Variants in PTPRR observed in about 807,000 individuals in gnomAD.
PTPRR encodes the protein protein tyrosine phosphatase receptor type R, also known as receptor-type tyrosine-protein phosphatase R.
In PTPRR, 38 loss-of-function variants were observed where a neutral mutation model predicts 77.2. The observed-to-expected ratio is 0.49, with a 90% CI of 0.38 to 0.65. The LOEUF (loss-of-function observed/expected upper bound fraction) is 0.65. Ranked by LOEUF, PTPRR falls within the 30% of genes least tolerant of loss-of-function variation. The probability of loss-of-function intolerance (pLI) is 0.00; values close to 1 mark genes in which losing one functional copy is unlikely to be tolerated. For missense variants in PTPRR, 744 were observed against 799.2 expected (o/e 0.93, Z 0.83); for synonymous variants, 299 against 283.1 (o/e 1.06, Z -0.57).
chr12:70,892,814 T>TAC lies in PTPRR; in HGVS notation c.220_221dup (p.Ser75Ter). On this transcript the variant is annotated frameshift_variant, in exon 2 of 14. Coordinates refer to ENST00000283228, the MANE Select transcript of PTPRR (RefSeq NM_002849.4). LOFTEE classifies it high-confidence loss of function. Reference sequence around the variant, plus strand: ...AATTGACAATCTGGTGGCGTTTGCTTACTTGAGCTTCGGAAGAGGAATGGT... The same window carrying TAC: ...AATTGACAATCTGGTGGCGTTTGCTTACACTTGAGCTTCGGAAGAGGAATGGT... The TAC allele has an allele frequency of 6.2e-7, 1 of 1,613,600 alleles. No individual in the cohort carries two copies. The highest frequency in any genetic ancestry group is 1.1e-5 in the South Asian group (1 of 91,076).
chr12:70,895,149 C>T (rs538393631), intron 1 of PTPRR, among the ~76,000 whole-genome samples: 2 of 151,656 alleles, frequency 1.3e-5, no homozygotes, highest in African/African-American at 4.8e-5. Context: ...TCACACAAGG[C>T]TTGATGGAAA....
chr12:70,694,835 A>T (rs1375173367), intron 8 of PTPRR, among the ~76,000 whole-genome samples: 1 of 152,172 alleles, frequency 6.6e-6, no homozygotes, highest in African/African-American at 2.4e-5. Context: ...ACTTATTATT[A>T]CAGTATTTTA....
intron 1 of PTPRR, among the ~76,000 whole-genome samples, chr12:70,899,796 A>G (rs1893500190): frequency 6.6e-6 from 1 of 151,416 alleles, no homozygotes; most frequent in Non-Finnish European, 1.5e-5. Flanking sequence ...ATCCCAAGGA[A>G]TTTACCAAAA....
chr12:70,877,784 A>C (rs1214693596), intron 2 of PTPRR, among the ~76,000 whole-genome samples: 1 of 152,212 alleles, frequency 6.6e-6, no homozygotes, highest in Non-Finnish European at 1.5e-5. Flanking sequence ...AAGAGCCTGC[A>C]TTGCCAAGTC....
At chr12:70,706,843 G>A (rs1888637125) in intron 6 of PTPRR, among the ~76,000 whole-genome samples, 1 of 151,964 alleles carries the variant, frequency 6.6e-6, no homozygotes, top group Non-Finnish European at 1.5e-5. Flanking sequence ...ATCTGCAAAT[G>A]GGAATAATAA....
chr12:70,725,021 G>A (rs984969364), intron 6 of PTPRR, among the ~76,000 whole-genome samples: 2 of 151,958 alleles, frequency 1.3e-5, no homozygotes, highest in Non-Finnish European at 2.9e-5. Flanking sequence ...TCAATATTTT[G>A]TACTGCCTCA....
chr12:70,650,711 A>G (rs1019913681), intron 13 of PTPRR, among the ~76,000 whole-genome samples: 5 of 152,194 alleles, frequency 3.3e-5, no homozygotes, highest in African/African-American at 9.7e-5. Context: ...AGGATTCAGG[A>G]GCACCACTCT....
At chr12:70,852,583 C>T (rs1190847462) in intron 2 of PTPRR, among the ~76,000 whole-genome samples, 3 of 152,132 alleles carry the variant, frequency 2.0e-5, no homozygotes, top group Non-Finnish European at 2.9e-5. Context: ...TTAAGCTAAG[C>T]CCCTTCATGG....
chr12:70,852,466 T>A (rs766377244), intron 2 of PTPRR, among the ~76,000 whole-genome samples: 2 of 152,202 alleles, frequency 1.3e-5, no homozygotes, highest in Admixed American at 6.5e-5. Context: ...GTTTTCCTGA[T>A]TAATACTGTA....
intron 6 of PTPRR, among the ~76,000 whole-genome samples, chr12:70,725,028 C>A (rs1306359408): frequency 6.6e-6 from 1 of 151,984 alleles, no homozygotes; most frequent in East Asian, 1.9e-4. Flanking sequence ...TTTGTACTGC[C>A]TCATGGCCTA....
chr12:70,664,773 C>T (rs1201790384), intron 10 of PTPRR: 1 of 152,188 alleles, frequency 6.6e-6, no homozygotes, highest in South Asian at 2.1e-4. Context: ...TGCAATGTGA[C>T]TTGTTCATTC....
At chr12:70,817,323 T>C (rs1190914815) in intron 2 of PTPRR, among the ~76,000 whole-genome samples, 1 of 152,172 alleles carries the variant, frequency 6.6e-6, no homozygotes, top group African/African-American at 2.4e-5. Flanking sequence ...AAAGATAGAA[T>C]AGAGAAAGAT....
chr12:70,858,835 G>A (rs887275435), intron 2 of PTPRR, among the ~76,000 whole-genome samples: 6 of 151,896 alleles, frequency 4.0e-5, no homozygotes, highest in Non-Finnish European at 7.4e-5. Flanking sequence ...AGTTTTAGCT[G>A]GCAACTGCTT....
chr12:70,813,731 C>T (rs1243968656), intron 2 of PTPRR, among the ~76,000 whole-genome samples: 1 of 152,132 alleles, frequency 6.6e-6, no homozygotes, highest in Admixed American at 6.6e-5. Context: ...CACACATCTC[C>T]CCAAGTTCAG....
chr12:70,687,584 C>T (rs1887918270), intron 8 of PTPRR, among the ~76,000 whole-genome samples: 1 of 152,034 alleles, frequency 6.6e-6, no homozygotes, highest in Non-Finnish European at 1.5e-5. Flanking sequence ...AGGTGGCATC[C>T]AAGAATCCTG....
intron 2 of PTPRR, chr12:70,788,764 G>C: frequency 8.3e-7 from 1 of 1,202,442 alleles, no homozygotes; most frequent in Non-Finnish European, 1.2e-6. Flanking sequence ...ACCCTCCTAA[G>C]CTCTTAACAT....
At chr12:70,672,131 C>T in intron 10 of PTPRR, 2 of 1,411,506 alleles carry the variant, frequency 1.4e-6, no homozygotes, top group Non-Finnish European at 2.0e-6. Flanking sequence ...GTTCCTAGAG[C>T]AGGGAGAGGC....
At chr12:70,646,771 A>C (rs189840543) in intron 13 of PTPRR, among the ~76,000 whole-genome samples, 68 of 152,314 alleles carry the variant, frequency 4.5e-4, no homozygotes, top group Non-Finnish European at 9.1e-4. Context: ...TTATTTGGGA[A>C]TGCAGAGAAA....
intron 10 of PTPRR, chr12:70,664,682 C>T (rs1483899573): frequency 2.0e-5 from 3 of 152,302 alleles, no homozygotes; most frequent in South Asian, 2.1e-4. Flanking sequence ...GCTTCTCTCC[C>T]AAGCTTGCCG....
Sources: gnomAD v4.1 joint callset for allele counts (sites outside exome capture counted in the v4.1 genomes callset) on GRCh38, gnomAD v4.1.1 for gene constraint, MANE v1.5 for transcripts, NCBI Gene and HGNC (gene_info 2026-07-23, HGNC 2026-07-21) for gene names.